MR1: variants seen among roughly 807,000 people sequenced by gnomAD.
MR1 encodes the protein major histocompatibility complex class I-related protein 1.
MR1 carries 44 observed loss-of-function variants against 37.8 expected under a neutral mutation model. That is an observed-to-expected ratio of 1.16 (90% CI 0.91 to 1.50). MR1 has a LOEUF of 1.50. Ranked by LOEUF, MR1 falls within the 40% of genes most tolerant of loss-of-function variation. MR1 has a pLI of 0.00. For synonymous variants in MR1, 153 were observed against 155.8 expected (o/e 0.98, Z 0.13); for missense variants, 386 against 419.1 (o/e 0.92, Z 0.69).
rs1558123871 is a variant in MR1 at position 181,057,128 on chromosome 1, AAAAG to A, written c.*1869_*1872del. 1 of 152,730 alleles carries A rather than the reference AAAAG, an allele frequency of 6.5e-6. No homozygotes were observed. Among genetic ancestry groups the A allele is most frequent in the South Asian group, 2.1e-4 (1 of 4,840 alleles). The allele number at this position is 152,730 out of a possible 1,614,324, so 9.5% of individuals were successfully genotyped here. On this transcript the variant is annotated 3_prime_UTR_variant, in exon 6 of 6. Transcript: ENST00000367580. ...GAGCAAGACTCTGTCTCCAAAAAAAAAAAGAAAGATACCCTCAGTGTGCCAGGCC... is the reference window on the plus strand; with the variant it reads ...GAGCAAGACTCTGTCTCCAAAAAAAAAAAGATACCCTCAGTGTGCCAGGCC...
Position 181,055,218 on chromosome 1 carries a change from C to T in MR1, c.986-7C>T. ...TGTAATCTGACTAAAAACCCCTTTCCTTTCAGAGCAAAATGGAGCCATCTA... is the reference window on the plus strand; with the variant it reads ...TGTAATCTGACTAAAAACCCCTTTCTTTTCAGAGCAAAATGGAGCCATCTA... On this transcript the variant is annotated splice_region_variant and splice_polypyrimidine_tract_variant and intron_variant, in intron 5 of 5. Transcript: ENST00000367580. The T allele has an allele frequency of 1.2e-6, 2 of 1,613,598 alleles. No homozygotes were observed. The highest frequency in any genetic ancestry group is 1.1e-5 in the South Asian group (1 of 91,064).
intron 1 of MR1, among the ~76,000 whole-genome samples, chr1:181,039,352 C>A (rs1363920479): frequency 6.6e-6 from 1 of 152,168 alleles, no homozygotes; most frequent in Non-Finnish European, 1.5e-5. Context: ...TCTCATGGGA[C>A]CACGGTCTCT....
In MR1 at chr1:181,058,181, G is replaced by A. The variant is rs981840034; in HGVS notation, c.*2916G>A. 6.6e-6 allele frequency: 1 copy of A among 152,026 alleles called. No homozygotes were observed. Among genetic ancestry groups the A allele is most frequent in the African/African-American group, 2.4e-5 (1 of 41,358 alleles). 9.4% of individuals were successfully genotyped at this position (152,026 alleles called of 1,614,324 possible). A position where few individuals can be genotyped will look rare whatever the true frequency, so the allele number is the denominator to read the frequency against. The stretch of plus-strand genomic sequence containing the variant: ...AGTAATCATAACCTATGAAATATTT[G>A]ACACCATGATCTAAACATTAAAAAC... On this transcript the variant is annotated 3_prime_UTR_variant, in exon 6 of 6. Coordinates refer to ENST00000367580, the MANE Select transcript of MR1 (RefSeq NM_001385161.1).
At position 181,061,037 on chromosome 1, in the gene MR1, C is replaced by T. The variant is rs2102417420; in HGVS notation, c.*5772C>T. ...CTCTCATTGAGGCCACCTTCTCCAA[C>T]AAGCTCCCCTCCTGCTTCCCCATGG... is the stretch of plus-strand genomic sequence containing the variant. On this transcript the variant is annotated 3_prime_UTR_variant, in exon 6 of 6. Transcript: ENST00000367580. 6.6e-6 allele frequency: 1 copy of T among 152,534 alleles called. No individual in the cohort carries two copies. Among genetic ancestry groups the T allele is most frequent in the Non-Finnish European group, 1.5e-5 (1 of 68,202 alleles). The allele number at this position is 152,534 out of a possible 1,614,324, so 9.4% of individuals were successfully genotyped here. A position where few individuals can be genotyped will look rare whatever the true frequency, so the allele number is the denominator to read the frequency against.
intron 1 of MR1, among the ~76,000 whole-genome samples, chr1:181,038,616 G>A (rs1477399757): frequency 6.6e-6 from 1 of 152,210 alleles, no homozygotes; most frequent in African/African-American, 2.4e-5. Flanking sequence ...TTGACACAAG[G>A]GGGCAGGAGA....
chr1:181,059,633 ATGG>A lies in MR1; in HGVS notation c.*4372_*4374del, dbSNP rs1237759991. 2 of 153,856 alleles carry A rather than the reference ATGG, an allele frequency of 1.3e-5. No individual in the cohort carries two copies. The highest frequency in any genetic ancestry group is 4.8e-5 in the African/African-American group (2 of 41,454). The allele number at this position is 153,856 out of a possible 1,614,324, so 9.5% of individuals were successfully genotyped here. On this transcript the variant is annotated 3_prime_UTR_variant, in exon 6 of 6. Coordinates refer to ENST00000367580, the MANE Select transcript of MR1 (RefSeq NM_001385161.1). ...TGTGTGGGTTGGGCTTCCTCACAAC[ATGG>A]TGGCCTCAGGGCAGTCACTGCTTAC...
In MR1 at chr1:181,061,932, C is replaced by T. The variant is rs558956386; in HGVS notation, c.*6667C>T. ...CTCCATCTAATAAACTTTATCTTGT[C>T]ATTGCATTGTCTGTGAGATTAGTGA... On this transcript the variant is annotated 3_prime_UTR_variant, in exon 6 of 6. Coordinates refer to ENST00000367580, the MANE Select transcript of MR1 (RefSeq NM_001385161.1). 1 of 152,282 alleles carries T rather than the reference C, an allele frequency of 6.6e-6. No homozygotes were observed. Among genetic ancestry groups the T allele is most frequent in the African/African-American group, 2.4e-5 (1 of 41,560 alleles). 9.4% of individuals were successfully genotyped at this position (152,282 alleles called of 1,614,324 possible).
At position 181,052,770 on chromosome 1, in the gene MR1, T is replaced by A. The variant is rs115553998; in HGVS notation, c.880+260T>A. 1.4e-3 allele frequency among the ~76,000 whole-genome samples: 207 copies of A among 152,240 alleles called. 1 individual carries two copies. The highest frequency in any genetic ancestry group is 6.8e-3 in the Middle Eastern group (2 of 294). On this transcript the variant is annotated intron_variant, in intron 4 of 5. Coordinates refer to ENST00000367580, the MANE Select transcript of MR1 (RefSeq NM_001385161.1). The stretch of plus-strand genomic sequence containing the variant: ...ATTTACTACATTACAAATTAAAAAT[T>A]TAAAAATTAAACACGAATGGGTGCA...
intron 1 of MR1, 114 bp downstream of exon 1, chr1:181,034,188 TG>T: frequency 1.1e-6 from 1 of 910,560 alleles, no homozygotes; most frequent in Non-Finnish European, 1.7e-6. Context: ...GGCAGAAACG[TG>T]TATGTATTAC....
chr1:181,041,983 A>G (rs532630175), intron 1 of MR1, among the ~76,000 whole-genome samples: 1 of 152,322 alleles, frequency 6.6e-6, no homozygotes, highest in South Asian at 2.1e-4. Context: ...ACAAATCAAT[A>G]TTAAGGAAGT....
Position 181,050,293 on chromosome 1 carries a change from A to G in MR1, c.604+7A>G, listed in dbSNP as rs766042753. On this transcript the variant is annotated splice_region_variant and intron_variant, in intron 3 of 5. Coordinates refer to ENST00000367580, the MANE Select transcript of MR1 (RefSeq NM_001385161.1). ...GACACCCTACAAAGAACAGGTAAAG[A>G]GAAAGAGAAGGCCTCATTCCCACAT... 1.4e-5 allele frequency: 23 copies of G among 1,614,156 alleles called. No individual in the cohort carries two copies. The highest frequency in any genetic ancestry group is 1.9e-5 in the Non-Finnish European group (22 of 1,179,998).
chr1:181,046,644 C>G (rs949211666), intron 1 of MR1, among the ~76,000 whole-genome samples: 2 of 152,008 alleles, frequency 1.3e-5, no homozygotes, highest in African/African-American at 2.4e-5. Flanking sequence ...GCAGGCTGCC[C>G]GAGCCAGCAG....
In MR1 at chr1:181,056,196, T is replaced by C. The variant is rs1658607723; in HGVS notation, c.*931T>C. On this transcript the variant is annotated 3_prime_UTR_variant, in exon 6 of 6. Coordinates refer to ENST00000367580, the MANE Select transcript of MR1 (RefSeq NM_001385161.1). ...CTGGCCAATATGGTGAAACCCTGTCTCTACTAAAATACAAAAAATTAGCTG... is the reference window on the plus strand; with the variant it reads ...CTGGCCAATATGGTGAAACCCTGTCCCTACTAAAATACAAAAAATTAGCTG... 6.6e-6 allele frequency: 1 copy of C among 151,866 alleles called. No individual in the cohort carries two copies. Among genetic ancestry groups the C allele is most frequent in the South Asian group, 2.1e-4 (1 of 4,808 alleles). The allele number at this position is 151,866 out of a possible 1,614,324, so 9.4% of individuals were successfully genotyped here. A position where few individuals can be genotyped will look rare whatever the true frequency, so the allele number is the denominator to read the frequency against.
intron 1 of MR1, among the ~76,000 whole-genome samples, chr1:181,041,581 C>T (rs1006745632): frequency 6.6e-6 from 1 of 152,174 alleles, no homozygotes; most frequent in African/African-American, 2.4e-5. Flanking sequence ...CCCTCACTCC[C>T]TCAACTCCAG....
chr1:181,035,834 A>T (rs1336558140), intron 1 of MR1, among the ~76,000 whole-genome samples: 1 of 152,118 alleles, frequency 6.6e-6, no homozygotes, highest in Non-Finnish European at 1.5e-5. Flanking sequence ...TTGGGTGTGA[A>T]GACTTGTCAC....
At chr1:181,040,576 A>T (rs1489699741) in intron 1 of MR1, among the ~76,000 whole-genome samples, 1 of 152,148 alleles carries the variant, frequency 6.6e-6, no homozygotes, top group African/African-American at 2.4e-5. Context: ...CCAGATGGGT[A>T]ACTGGGCCCA....
Position 181,049,286 on chromosome 1 carries a change from G to C in MR1, c.302G>C (p.Arg101Pro). ...CAGATGTTCAAGGTGGAACTGAAGC[G>C]CCTACAGAGGCACTACAATCACTCA... ...WQQMFKVELKRLQRHYNHSGS... is the reference protein window; with the variant it reads ...WQQMFKVELKPLQRHYNHSGS... The change falls in exon 2 of 6, where the codon CGC becomes CCC. Residue 101 changes from arginine (R) to proline (P), a missense_variant. Physicochemically the swap from Arg to Pro is moderately radical, Grantham distance 103. Transcript: ENST00000367580. 3 of 1,613,840 alleles carry C rather than the reference G, an allele frequency of 1.9e-6. No homozygotes were observed. Among genetic ancestry groups the C allele is most frequent in the Non-Finnish European group, 1.7e-6 (2 of 1,179,880 alleles).
rs1408483211 is a variant in MR1 at position 181,050,097 on chromosome 1, C to T, written c.415C>T (p.Gln139Ter). The T allele has an allele frequency of 6.2e-7, 1 of 1,614,196 alleles. No individual in the cohort carries two copies. The highest frequency in any genetic ancestry group is 8.5e-7 in the Non-Finnish European group (1 of 1,180,042). ...TGFLQYAYDG[Q>*]DFLIFNKDTL... ...ATTTCTGCAGTATGCATATGACGGG[C>T]AGGATTTCCTGATCTTCAATAAAGA... Residue 139 changes from glutamine to a stop codon, truncating the protein, a stop_gained, in exon 3 of 6, where the codon CAG becomes TAG. Transcript: ENST00000367580. LOFTEE classifies it high-confidence loss of function.
intron 1 of MR1, among the ~76,000 whole-genome samples, chr1:181,047,770 C>T (rs772576747): frequency 1.1e-4 from 16 of 150,116 alleles, no homozygotes; most frequent in South Asian, 4.2e-4. Context: ...CATGGTGGCA[C>T]GCGCCTGTAG....
Sources: gnomAD v4.1 joint callset for allele counts (sites outside exome capture counted in the v4.1 genomes callset) on GRCh38, gnomAD v4.1.1 for gene constraint, MANE v1.5 for transcripts, NCBI Gene and HGNC (gene_info 2026-07-23, HGNC 2026-07-21) for gene names.